GJA5: variants seen among roughly 807,000 people sequenced by gnomAD.
The protein encoded by GJA5 is gap junction alpha-5 protein.
Under a neutral mutation model 7.9 loss-of-function variants are expected in GJA5, and 3 were observed. That is an observed-to-expected ratio of 0.38 (90% CI 0.17 to 0.99). The LOEUF (loss-of-function observed/expected upper bound fraction) is 0.99, where lower values mean the gene tolerates loss of function less well. Ranked by LOEUF, GJA5 falls within the 50% of genes least tolerant of loss-of-function variation. The pLI, the probability that GJA5 is intolerant of heterozygous loss-of-function variation, is 0.38. For synonymous variants in GJA5, 193 were observed against 181.0 expected, an observed-to-expected ratio of 1.07 and a Z score of -0.53; for missense variants, 390 against 457.9, an observed-to-expected ratio of 0.85 and a Z score of 1.35.
At chr1:147,761,085 G>A (rs1311290195), upstream of GJA5, among the ~76,000 whole-genome samples, 3 of 152,166 alleles carry the variant, frequency 2.0e-5, no homozygotes, top group African/African-American at 7.2e-5. Flanking sequence ...CCAGTGCCCT[G>A]AGGCCTCTGA....
intron 1 of GJA5, among the ~76,000 whole-genome samples, chr1:147,766,433 G>A (rs1227208203): frequency 6.6e-6 from 1 of 152,192 alleles, no homozygotes; most frequent in African/African-American, 2.4e-5. Context: ...CAAGCAACAC[G>A]TTGGGGCCAT....
chr1:147,772,790 A>AAAAAC (rs1664460525), intron 1 of GJA5, among the ~76,000 whole-genome samples: 1 of 638 alleles, frequency 1.6e-3, no homozygotes, highest in Non-Finnish European at 6.8e-3. Flanking sequence ...CCTTAGGGAG[A>AAAAAC]AAAAAAAAAA....
rs1571069787 is a variant in GJA5 at position 147,760,602 on chromosome 1, C to T, written c.-137G>A. On this transcript the variant is annotated 5_prime_UTR_variant, in exon 1 of 2. Coordinates refer to ENST00000579774, the MANE Select transcript of GJA5 (RefSeq NM_181703.4). ...GAGACTGTCTTTTCTTCTGTATCAC[C>T]AGAGCCTGGCCCAGAGTAGGTGTTT... The T allele has an allele frequency of 2.0e-5, 3 of 152,458 alleles. No individual in the cohort carries two copies. In the East Asian group the frequency reaches 5.8e-4, roughly 29 times the overall value. 9.4% of individuals were successfully genotyped at this position (152,458 alleles called of 1,614,324 possible).
chr1:147,764,977 TAC>T (rs1571074999), upstream of GJA5, among the ~76,000 whole-genome samples: 1 of 152,040 alleles, frequency 6.6e-6, no homozygotes, highest in East Asian at 1.9e-4. Flanking sequence ...TCTCATTTGG[TAC>T]ACAATAAATG....
At chr1:147,763,849 AC>A (rs782497281), upstream of GJA5, among the ~76,000 whole-genome samples, 2 of 152,006 alleles carry the variant, frequency 1.3e-5, no homozygotes, top group Non-Finnish European at 2.9e-5. Flanking sequence ...TCGCTTTGTC[AC>A]CCAGGCTGGA....
intron 1 of GJA5, among the ~76,000 whole-genome samples, chr1:147,766,126 C>G (rs188481089): frequency 4.6e-5 from 7 of 152,246 alleles, no homozygotes; most frequent in Non-Finnish European, 1.5e-5. Context: ...CCTTGGAGGT[C>G]TCACACACCT....
At chr1:147,773,055 C>G (rs1664472648) in intron 1 of GJA5, among the ~76,000 whole-genome samples, 1 of 152,194 alleles carries the variant, frequency 6.6e-6, no homozygotes, top group Admixed American at 6.5e-5. Flanking sequence ...AGTAATTTAT[C>G]TGCTGCTTCG....
chr1:147,758,924 CT>C lies in GJA5; in HGVS notation c.314del (p.Lys105SerfsTer54). 1.2e-6 allele frequency: 2 copies of C among 1,614,260 alleles called. No homozygotes were observed. The highest frequency in any genetic ancestry group is 8.5e-7 in the Non-Finnish European group (1 of 1,180,046). ...CCCTCTCGGCCTCCCGTAGCTTGCG[CT>C]TCTCCTGCATGCGCACAGTGTGCAT... ...HAMHTVRMQE[K>X]RKLREAERAK... On this transcript the variant is annotated frameshift_variant, in exon 2 of 2. Transcript: ENST00000579774. LOFTEE classifies it low-confidence loss of function (END_TRUNC).
chr1:147,766,029 A>G (rs1403044441), intron 1 of GJA5, among the ~76,000 whole-genome samples: 1 of 152,154 alleles, frequency 6.6e-6, no homozygotes, highest in Non-Finnish European at 1.5e-5. Context: ...CTGTGGAGTC[A>G]CACATAATAG....
rs1663822014 is a variant in GJA5, at chr1:147,758,288, A to G, written c.951T>C (p.Tyr317=). ...TPGEGFIQVR[Y]GQKPEVPNGV... ...CATTGGGCACCTCAGGCTTCTGGCC[A>G]TAACGAACCTGGATGAAACCTTCCC... Residue 317 remains tyrosine, a synonymous_variant, in exon 2 of 2, where the codon TAT becomes TAC. Coordinates refer to ENST00000579774, the MANE Select transcript of GJA5 (RefSeq NM_181703.4). 3 of 1,614,172 alleles carry G rather than the reference A, an allele frequency of 1.9e-6. No individual in the cohort carries two copies. The highest frequency in any genetic ancestry group is 2.5e-6 in the Non-Finnish European group (3 of 1,180,006).
upstream of GJA5, among the ~76,000 whole-genome samples, chr1:147,760,938 G>A (rs1553227335): frequency 6.6e-6 from 1 of 152,020 alleles, no homozygotes; most frequent in African/African-American, 2.4e-5. Flanking sequence ...TGGTGAACAG[G>A]AGGGAGACTA....
chr1:147,769,045 C>T (rs1664308934), intron 1 of GJA5, among the ~76,000 whole-genome samples: 1 of 152,198 alleles, frequency 6.6e-6, no homozygotes, highest in Non-Finnish European at 1.5e-5. Flanking sequence ...AGCGTTTTTC[C>T]TTTTAGCTTC....
intron 1 of GJA5, among the ~76,000 whole-genome samples, chr1:147,768,818 T>C (rs1468943433): frequency 6.6e-6 from 1 of 152,214 alleles, no homozygotes; most frequent in Non-Finnish European, 1.5e-5. Context: ...TAAGTACTTG[T>C]ACTAAGTGCC....
At chr1:147,772,337 C>T (rs12408247) in intron 1 of GJA5, among the ~76,000 whole-genome samples, 28,424 of 152,110 alleles carry the variant, frequency 0.19, 3,169 homozygotes, top group East Asian at 0.33. Context: ...TCTTGTGTTG[C>T]GCCTCCCTTT....
chr1:147,762,996 C>T (rs1664076568), upstream of GJA5, among the ~76,000 whole-genome samples: 1 of 152,208 alleles, frequency 6.6e-6, no homozygotes, highest in African/African-American at 2.4e-5. Context: ...TCACTGGCTT[C>T]CTACCACTTA....
chr1:147,766,078 C>T (rs1176073925), intron 1 of GJA5, among the ~76,000 whole-genome samples: 11 of 152,084 alleles, frequency 7.2e-5, no homozygotes, highest in African/African-American at 2.7e-4. Flanking sequence ...TTCTGTGTCC[C>T]CCAAGTCAGC....
chr1:147,770,004 G>A (rs186372543), intron 1 of GJA5, among the ~76,000 whole-genome samples: 1 of 151,908 alleles, frequency 6.6e-6, no homozygotes, highest in East Asian at 2.0e-4. Context: ...CTCACAATGA[G>A]AGGTTTGAAG....
At position 147,758,604 on chromosome 1, in the gene GJA5, A is replaced by G; in HGVS notation, c.635T>C (p.Leu212Pro). The G allele has an allele frequency of 6.2e-7, 1 of 1,614,146 alleles. No homozygotes were observed. The highest frequency in any genetic ancestry group is 8.5e-7 in the Non-Finnish European group (1 of 1,180,006). ...GAGGAGGGACAGTGCAGCCACAGCC[A>G]GCATAAAGACAATGAAGACATTCTT... ...TEKNVFIVFM[L>P]AVAALSLLLS... Residue 212 changes from leucine to proline, a missense_variant, in exon 2 of 2, where the codon CTG becomes CCG. By Grantham distance (98) the Leu-to-Pro change is moderately conservative (BLOSUM62 -3). This residue lies in a region of GJA5 where 354 missense variants were observed against 370.9 expected (regional missense o/e 0.95). Transcript: ENST00000579774.
At chr1:147,772,477 A>C (rs1208846670) in intron 1 of GJA5, among the ~76,000 whole-genome samples, 2 of 152,186 alleles carry the variant, frequency 1.3e-5, no homozygotes, top group Non-Finnish European at 2.9e-5. Flanking sequence ...GAGGCCCAGC[A>C]TGGGGATGTG....
Sources: gnomAD v4.1 joint callset for allele counts (sites outside exome capture counted in the v4.1 genomes callset) on GRCh38, gnomAD v4.1.1 for gene constraint, gnomAD v4.1.1 regional missense constraint, MANE v1.5 for transcripts, NCBI Gene and HGNC (gene_info 2026-07-23, HGNC 2026-07-21) for gene names.